The following SGCZ variants were observed in gnomAD, a reference collection of about 807,000 sequenced individuals.
SGCZ encodes sarcoglycan zeta.
A neutral mutation model predicts 41.3 loss-of-function variants in SGCZ; 40 were observed. That is an observed-to-expected ratio of 0.97 (90% CI 0.75 to 1.26). SGCZ has a LOEUF of 1.26. Among genes scored for constraint, SGCZ ranks in the 50% most tolerant of loss-of-function variants. The probability of loss-of-function intolerance (pLI) is 0.00; values close to 1 mark genes in which losing one functional copy is unlikely to be tolerated. For missense variants in SGCZ, 552 were observed against 369.8 expected (o/e 1.49, Z -4.04); for synonymous variants, 206 against 137.5 (o/e 1.50, Z -3.49).
intron 1 of SGCZ, among the ~76,000 whole-genome samples, chr8:14,860,358 G>A (rs1365351522): frequency 6.6e-6 from 1 of 151,910 alleles, no homozygotes; most frequent in Non-Finnish European, 1.5e-5. Flanking sequence ...GTGTCTGGAG[G>A]TGGTAACTGC....
rs368535384 is a variant in SGCZ at position 14,368,194 on chromosome 8, A to G, written c.235-43990T>C. Among the ~76,000 whole-genome samples the G allele has an allele frequency of 6.6e-5, 10 of 152,142 alleles. No individual in the cohort carries two copies. In the South Asian group the frequency reaches 1.0e-3, roughly 16 times the overall value. On this transcript the variant is annotated intron_variant, in intron 2 of 7. Transcript: ENST00000382080. Reference sequence around the variant, plus strand: ...TGCAATATTTGCATTGATGACATATATTGTCTTCAAGAATATATGTGAGTG... The same window carrying G: ...TGCAATATTTGCATTGATGACATATGTTGTCTTCAAGAATATATGTGAGTG...
intron 4 of SGCZ, among the ~76,000 whole-genome samples, chr8:14,206,511 T>G (rs17278178): frequency 6.6e-6 from 1 of 151,798 alleles, no homozygotes; most frequent in Non-Finnish European, 1.5e-5. Context: ...ACAAGGAGAG[T>G]TATAAAACAT....
intron 2 of SGCZ, among the ~76,000 whole-genome samples, chr8:14,431,800 A>G (rs954388502): frequency 1.8e-4 from 28 of 152,220 alleles, no homozygotes; most frequent in Non-Finnish European, 3.8e-4. Context: ...ATGGACTAAT[A>G]TCCAGAATCT....
chr8:14,184,708 C>T (rs1337166271), intron 4 of SGCZ, among the ~76,000 whole-genome samples: 1 of 152,066 alleles, frequency 6.6e-6, no homozygotes, highest in Non-Finnish European at 1.5e-5. Context: ...CAGATATTTT[C>T]CAAATAAAGG....
Position 15,202,833 on chromosome 8 carries a change from G to A in SGCZ, c.39+34752C>T, listed in dbSNP as rs545368608. Among the ~76,000 whole-genome samples the A allele has an allele frequency of 2.6e-5, 4 of 152,144 alleles. 1 individual carries two copies. Among genetic ancestry groups the A allele is most frequent in the South Asian group, 4.1e-4 (2 of 4,822 alleles). ...AAGCTAGGTTAAGACAAACCTGGCCGGGCCTGGTGGCTCACACCTATAATC... is the reference window on the plus strand; with the variant it reads ...AAGCTAGGTTAAGACAAACCTGGCCAGGCCTGGTGGCTCACACCTATAATC... On this transcript the variant is annotated intron_variant, in intron 1 of 7. Coordinates refer to ENST00000382080, the MANE Select transcript of SGCZ (RefSeq NM_139167.4).
chr8:14,267,367 A>G (rs1015146982), intron 3 of SGCZ, among the ~76,000 whole-genome samples: 1 of 152,108 alleles, frequency 6.6e-6, no homozygotes, highest in African/African-American at 2.4e-5. Context: ...GTTATCATTT[A>G]AATTTTATTT....
chr8:14,917,344 C>T (rs1425349726), intron 1 of SGCZ, among the ~76,000 whole-genome samples: 1 of 151,924 alleles, frequency 6.6e-6, no homozygotes, highest in Non-Finnish European at 1.5e-5. Flanking sequence ...TATGATTACT[C>T]TTTTTATTTA....
At chr8:14,613,427 A>T (rs1319282845) in intron 1 of SGCZ, among the ~76,000 whole-genome samples, 1 of 152,194 alleles carries the variant, frequency 6.6e-6, no homozygotes, top group African/African-American at 2.4e-5. Context: ...CTTAGATAAA[A>T]TCTATAAATC....
In SGCZ at chr8:14,166,955, A is replaced by C. The variant is rs1489817965; in HGVS notation, c.425-2253T>G. On this transcript the variant is annotated intron_variant, in intron 4 of 7. Coordinates refer to ENST00000382080, the MANE Select transcript of SGCZ (RefSeq NM_139167.4). ...GCAGAGTCATCTAATTGAAAAAGAG[A>C]TATAAAAATTCATACTGCAGACTAC... Among the ~76,000 whole-genome samples, 7 of 152,168 alleles carry C rather than the reference A, an allele frequency of 4.6e-5. No homozygotes were observed. In the East Asian group the frequency reaches 1.4e-3, roughly 29 times the overall value.
At chr8:14,687,965 ATG>A (rs1808671071) in intron 1 of SGCZ, among the ~76,000 whole-genome samples, 1 of 151,998 alleles carries the variant, frequency 6.6e-6, no homozygotes, top group African/African-American at 2.4e-5. Context: ...GCATTTTTTC[ATG>A]TGTTTTTTGG....
intron 1 of SGCZ, among the ~76,000 whole-genome samples, chr8:14,882,099 C>T (rs1413231519): frequency 6.6e-6 from 1 of 152,202 alleles, no homozygotes; most frequent in African/African-American, 2.4e-5. Context: ...ATTTATAGCA[C>T]TAAATGCTCA....
intron 2 of SGCZ, among the ~76,000 whole-genome samples, chr8:14,394,143 C>CTTTTTTTTTTTTTTTTTTTTTTTT (rs75054512): frequency 1.7e-5 from 2 of 117,420 alleles, no homozygotes; most frequent in African/African-American, 3.0e-5. Context: ...CGCCCCCCAC[C>CTTTTTTTTTTTTTTTTTTTTTTTT]TTTTTTTTTT....
intron 1 of SGCZ, among the ~76,000 whole-genome samples, chr8:14,855,654 G>T (rs935600560): frequency 2.6e-5 from 4 of 152,124 alleles, no homozygotes; most frequent in African/African-American, 9.7e-5. Flanking sequence ...GAAAACATAT[G>T]GTCAAATTGT....
chr8:14,195,211 C>G (rs1352012161), intron 4 of SGCZ, among the ~76,000 whole-genome samples: 1 of 151,972 alleles, frequency 6.6e-6, no homozygotes, highest in Non-Finnish European at 1.5e-5. Flanking sequence ...TAACTGTCTG[C>G]TGTCTGGAGA....
chr8:15,021,995 T>A (rs370235987), intron 1 of SGCZ, among the ~76,000 whole-genome samples: 72 of 152,350 alleles, frequency 4.7e-4, no homozygotes, highest in African/African-American at 1.7e-3. Context: ...CATAACCTTG[T>A]GCATAAATTA....
In SGCZ at chr8:15,202,425, C is replaced by A. The variant is rs137912438; in HGVS notation, c.39+35160G>T. 5.5e-3 allele frequency among the ~76,000 whole-genome samples: 832 copies of A among 152,260 alleles called. 8 individuals are homozygous for A. Among genetic ancestry groups the A allele is most frequent in the African/African-American group, 0.019 (785 of 41,560 alleles). On this transcript the variant is annotated intron_variant, in intron 1 of 7. Coordinates refer to ENST00000382080, the MANE Select transcript of SGCZ (RefSeq NM_139167.4). ...TGGAAAGCCAAACATTGTGTCTTCT[C>A]ACACATAAGTGAGAGCTAAGCTATG...
chr8:14,426,238 T>C lies in SGCZ; in HGVS notation c.235-102034A>G, dbSNP rs1286884570. On this transcript the variant is annotated intron_variant, in intron 2 of 7. Coordinates refer to ENST00000382080, the MANE Select transcript of SGCZ (RefSeq NM_139167.4). The stretch of plus-strand genomic sequence containing the variant: ...ACTATACAAGTCTAAGAAATAAAAT[T>C]TGTGGTACATCAGATGGCAATAAGT... Among the ~76,000 whole-genome samples the C allele has an allele frequency of 3.3e-5, 5 of 152,096 alleles. No homozygotes were observed. In the East Asian group the frequency reaches 7.7e-4, roughly 23 times the overall value.
At chr8:14,226,575 C>G (rs1281289997) in intron 4 of SGCZ, among the ~76,000 whole-genome samples, 1 of 152,116 alleles carries the variant, frequency 6.6e-6, no homozygotes, top group Non-Finnish European at 1.5e-5. Context: ...ACTGTGTTAA[C>G]ATAGCACAGT....
intron 2 of SGCZ, among the ~76,000 whole-genome samples, chr8:14,408,966 T>TGTGTGTGCGCGTGTGC (rs1395616202): frequency 3.3e-4 from 45 of 136,820 alleles, no homozygotes; most frequent in South Asian, 1.9e-3. Context: ...TGTGTGTGTG[T>TGTGTGTGCGCGTGTGC]GTGTGCATGT....
Sources: allele counts gnomAD v4.1 joint callset (sites outside exome capture counted in the v4.1 genomes callset), GRCh38; gene constraint gnomAD v4.1.1; transcripts MANE v1.5; gene names NCBI Gene and HGNC (gene_info 2026-07-23, HGNC 2026-07-21).